The following AK5 variants were observed in gnomAD, a reference collection of about 807,000 sequenced individuals.
AK5 encodes the protein adenylate kinase 5.
In AK5, 27 loss-of-function variants were observed where a neutral mutation model predicts 69.5. That is an observed-to-expected ratio of 0.39 (90% CI 0.29 to 0.54). The LOEUF is 0.54. Ranked by LOEUF, AK5 falls within the 20% of genes least tolerant of loss-of-function variation. The probability of loss-of-function intolerance (pLI) is 0.71; values close to 1 mark genes in which losing one functional copy is unlikely to be tolerated. For synonymous variants in AK5, 260 were observed against 244.4 expected (o/e 1.06, Z -0.60); for missense variants, 531 against 700.4 (o/e 0.76, Z 2.73).
intron 6 of AK5, among the ~76,000 whole-genome samples, chr1:77,350,133 C>T (rs1334600016): frequency 3.9e-5 from 6 of 152,082 alleles, no homozygotes; most frequent in South Asian, 2.1e-4. Flanking sequence ...GAGTTTGTGA[C>T]GCAGGCACAG....
intron 8 of AK5, among the ~76,000 whole-genome samples, chr1:77,423,782 A>G (rs1431105001): frequency 6.6e-6 from 1 of 152,074 alleles, no homozygotes; most frequent in East Asian, 1.9e-4. Context: ...AGGTCCTCAC[A>G]GTGAATATCT....
At chr1:77,488,391 CAGACCAT>C (rs1655736752) in intron 10 of AK5, among the ~76,000 whole-genome samples, 1 of 22,158 alleles carries the variant, frequency 4.5e-5, no homozygotes, top group South Asian at 3.7e-3. Context: ...TCCTGGCATC[CAGACCAT>C]ACAGAGTCTT....
Position 77,448,617 on chromosome 1 carries a change from T to C in AK5, c.1059+30902T>C, listed in dbSNP as rs147437397. ...TCCAGTTTTCTGCATACCTCATTCT[T>C]CCTGGTTGCAGGACAAGCACTTGGA... On this transcript the variant is annotated intron_variant, in intron 8 of 13. Coordinates refer to ENST00000354567, the MANE Select transcript of AK5 (RefSeq NM_174858.3). 4.7e-3 allele frequency among the ~76,000 whole-genome samples: 714 copies of C among 152,350 alleles called. 2 individuals carry two copies. The highest frequency in any genetic ancestry group is 0.02 in the Middle Eastern group (6 of 294).
At chr1:77,449,153 CACAG>C (rs1294372959) in intron 8 of AK5, among the ~76,000 whole-genome samples, 8 of 152,098 alleles carry the variant, frequency 5.3e-5, no homozygotes, top group African/African-American at 1.9e-4. Flanking sequence ...ATTGTAGATC[CACAG>C]ACAGTTAGCA....
chr1:77,358,248 A>T (rs1662652127), intron 6 of AK5, among the ~76,000 whole-genome samples: 1 of 152,128 alleles, frequency 6.6e-6, no homozygotes, highest in African/African-American at 2.4e-5. Flanking sequence ...TGCTTTAAAA[A>T]TTTTTTAACT....
chr1:77,322,867 A>G (rs1484501618), intron 5 of AK5, among the ~76,000 whole-genome samples: 1 of 152,234 alleles, frequency 6.6e-6, no homozygotes, highest in East Asian at 1.9e-4. Flanking sequence ...CAACATATTA[A>G]AGTGAATTTT....
At chr1:77,476,735 T>C (rs765455063) in intron 8 of AK5, among the ~76,000 whole-genome samples, 7 of 152,192 alleles carry the variant, frequency 4.6e-5, no homozygotes, top group East Asian at 1.9e-4. Flanking sequence ...CTTTCTGAGC[T>C]TCAGTTTCCT....
chr1:77,306,368 T>G (rs542368020), intron 5 of AK5, among the ~76,000 whole-genome samples: 3 of 152,208 alleles, frequency 2.0e-5, no homozygotes, highest in Non-Finnish European at 4.4e-5. Context: ...TCTATTCATA[T>G]GATGTATCAT....
chr1:77,404,625 C>A (rs1265999553), intron 6 of AK5, among the ~76,000 whole-genome samples: 2 of 152,116 alleles, frequency 1.3e-5, no homozygotes, highest in Non-Finnish European at 2.9e-5. Context: ...AGAAAAGTCC[C>A]ATGCCACTCT....
intron 5 of AK5, among the ~76,000 whole-genome samples, chr1:77,331,488 C>G (rs1023053225): frequency 6.6e-6 from 1 of 152,224 alleles, no homozygotes; most frequent in African/African-American, 2.4e-5. Flanking sequence ...AAATGATTTT[C>G]CCCTTTATTC....
intron 8 of AK5, among the ~76,000 whole-genome samples, chr1:77,465,330 T>C (rs970841095): frequency 6.6e-6 from 1 of 152,064 alleles, no homozygotes; most frequent in Non-Finnish European, 1.5e-5. Context: ...CAATGAGTAG[T>C]CTGTTCTTGA....
rs545232835 is a variant in AK5 at position 77,498,371 on chromosome 1, TGAAA to T, written c.1147+12022_1147+12025del. 3.7e-3 allele frequency among the ~76,000 whole-genome samples: 569 copies of T among 152,314 alleles called. 2 individuals carry two copies. Among genetic ancestry groups the T allele is most frequent in the African/African-American group, 0.013 (556 of 41,540 alleles). On this transcript the variant is annotated intron_variant, in intron 10 of 13. Coordinates refer to ENST00000354567, the MANE Select transcript of AK5 (RefSeq NM_174858.3). Reference sequence around the variant, plus strand: ...CAAGAAAGTTGACTCTGAAAGAGTCTGAAAGAGACTGTTTAAAGCAAAGTGAATA... The same window carrying T: ...CAAGAAAGTTGACTCTGAAAGAGTCTGAGACTGTTTAAAGCAAAGTGAATA...
At chr1:77,489,533 C>T (rs532928398) in intron 10 of AK5, among the ~76,000 whole-genome samples, 75 of 152,336 alleles carry the variant, frequency 4.9e-4, no homozygotes, top group African/African-American at 1.8e-3. Flanking sequence ...TTCCAGATGT[C>T]ATAGACACAC....
chr1:77,415,730 T>G (rs1191359849), intron 7 of AK5, among the ~76,000 whole-genome samples: 1 of 152,208 alleles, frequency 6.6e-6, no homozygotes, highest in East Asian at 1.9e-4. Context: ...TCCAGGTCCT[T>G]TCCTGCAGAG....
At chr1:77,370,236 C>A (rs1229322290) in intron 6 of AK5, among the ~76,000 whole-genome samples, 1 of 152,182 alleles carries the variant, frequency 6.6e-6, no homozygotes, top group African/African-American at 2.4e-5. Flanking sequence ...TTTGTTTTCA[C>A]ACTTCACCTC....
intron 6 of AK5, among the ~76,000 whole-genome samples, chr1:77,361,033 C>G (rs548451892): frequency 6.6e-6 from 1 of 152,220 alleles, no homozygotes; most frequent in East Asian, 1.9e-4. Context: ...CCACCACAAA[C>G]TCTCCCTTCT....
At chr1:77,467,865 C>T (rs1294790253) in intron 8 of AK5, among the ~76,000 whole-genome samples, 3 of 152,216 alleles carry the variant, frequency 2.0e-5, no homozygotes, top group Non-Finnish European at 4.4e-5. Flanking sequence ...AAGCAGTGAG[C>T]ATGCCCTGCA....
At chr1:77,303,610 G>T (rs1659462338) in intron 5 of AK5, among the ~76,000 whole-genome samples, 1 of 152,184 alleles carries the variant, frequency 6.6e-6, no homozygotes, top group Non-Finnish European at 1.5e-5. Context: ...CTGTACCTTT[G>T]TGAGAAAGTG....
intron 13 of AK5, among the ~76,000 whole-genome samples, chr1:77,539,958 T>A (rs2100367673): frequency 6.6e-6 from 1 of 152,208 alleles, no homozygotes; most frequent in South Asian, 2.1e-4. Context: ...TTCTGTGAGA[T>A]TTATTTAGGA....
Sources: allele counts gnomAD v4.1 joint callset (sites outside exome capture counted in the v4.1 genomes callset), GRCh38; gene constraint gnomAD v4.1.1; transcripts MANE v1.5; gene names NCBI Gene and HGNC (gene_info 2026-07-23, HGNC 2026-07-21).